PRDM16: variants seen among roughly 807,000 people sequenced by gnomAD.
PRDM16 encodes the protein PR/SET domain 16, also known as histone-lysine N-methyltransferase PRDM16.
In PRDM16, 23 loss-of-function variants were observed where a neutral mutation model predicts 110.6. The ratio of observed to expected loss-of-function variants is 0.21; its 90% CI spans 0.15 to 0.29. PRDM16 has a LOEUF of 0.29. Among genes scored for constraint, PRDM16 ranks in the 10% least tolerant of loss-of-function variants. The pLI is 1.00. For missense variants in PRDM16, 1,615 were observed against 1,794.3 expected (o/e 0.90, Z 1.81); for synonymous variants, 799 against 781.8 (o/e 1.02, Z -0.37).
At position 3,353,260 on chromosome 1, in the gene PRDM16, G is replaced by A. The variant is rs1354719160; in HGVS notation, c.439-31892G>A. Among the ~76,000 whole-genome samples, 2 of 152,222 alleles carry A rather than the reference G, an allele frequency of 1.3e-5. No homozygotes were observed. The highest frequency in any genetic ancestry group is 4.8e-5 in the African/African-American group (2 of 41,468). On this transcript the variant is annotated intron_variant, in intron 3 of 16. Transcript: ENST00000270722. This position sits in a 1 kb window ranked among gnomAD's most constrained non-coding sequence, Gnocchi z 5.4. ...GGTGCGGTAAAAGTTTACGAGGGCT[G>A]GGCAGCTCCTAGGCATGGGCAGGCC...
At chr1:3,325,922 C>A (rs924977733) in intron 3 of PRDM16, among the ~76,000 whole-genome samples, 1 of 102,886 alleles carries the variant, frequency 9.7e-6, no homozygotes, top group African/African-American at 4.1e-5. Flanking sequence ...CCTTGGCCCT[C>A]CTCGGCCCTC....
At chr1:3,223,677 A>G (rs930219743) in intron 2 of PRDM16, among the ~76,000 whole-genome samples, 1 of 152,156 alleles carries the variant, frequency 6.6e-6, no homozygotes, top group African/African-American at 2.4e-5. Context: ...CTGCATACTC[A>G]TGTCAGCCCT....
chr1:3,109,884 CCAGACA>C lies in PRDM16; in HGVS notation c.37+40601_37+40606del, dbSNP rs563935774. On this transcript the variant is annotated intron_variant, in intron 1 of 16. Coordinates refer to ENST00000270722, the MANE Select transcript of PRDM16 (RefSeq NM_022114.4). ...TGGGCTCAGCTGGCATCACCTCTTT[CCAGACA>C]CAGACACAGACAGCAGCTCCTCCAT... 3.3e-5 allele frequency among the ~76,000 whole-genome samples: 5 copies of C among 152,372 alleles called. No homozygotes were observed. The South Asian group carries it at 8.3e-4, about 25-fold the overall frequency.
Position 3,069,378 on chromosome 1 carries a change from G to A in PRDM16, c.37+82G>A. On this transcript the variant is annotated intron_variant, in intron 1 of 16. Transcript: ENST00000270722. This position sits in a 1 kb window ranked among gnomAD's most constrained non-coding sequence, Gnocchi z 6.1. ...GGCGCCCGGGCCAGGGGTGCGCGTCGGGGCGCGGCCGGCGCGCCTGCGGCT... is the reference window on the plus strand; with the variant it reads ...GGCGCCCGGGCCAGGGGTGCGCGTCAGGGCGCGGCCGGCGCGCCTGCGGCT... The A allele has an allele frequency of 2.0e-6, 1 of 504,666 alleles. No homozygotes were observed. Among genetic ancestry groups the A allele is most frequent in the Non-Finnish European group, 2.5e-6 (1 of 395,518 alleles). The allele number at this position is 504,666 out of a possible 1,614,324, so 31.3% of individuals were successfully genotyped here. A position where few individuals can be genotyped will look rare whatever the true frequency, so the allele number is the denominator to read the frequency against.
In PRDM16 at chr1:3,255,383, C is replaced by A. The variant is rs1395067926; in HGVS notation, c.438+11246C>A. Among the ~76,000 whole-genome samples, 1 of 152,160 alleles carries A rather than the reference C, an allele frequency of 6.6e-6. No homozygotes were observed. On this transcript the variant is annotated intron_variant, in intron 3 of 16. Transcript: ENST00000270722. The surrounding 1 kb of genome is among the most constrained non-coding windows in gnomAD (Gnocchi z 4.7). Reference sequence around the variant, plus strand: ...GAGGGTCGCGTGCAGCACACAGCCTCCCAGACGGCTCTCACCACAAAGCCA... The same window carrying A: ...GAGGGTCGCGTGCAGCACACAGCCTACCAGACGGCTCTCACCACAAAGCCA...
chr1:3,102,640 GC>G (rs1642559753), intron 1 of PRDM16, among the ~76,000 whole-genome samples: 1 of 152,224 alleles, frequency 6.6e-6, no homozygotes, highest in Admixed American at 6.5e-5. Flanking sequence ...GCTTTAATAT[GC>G]TTTTATGGCC....
At chr1:3,309,830 C>T (rs935493759) in intron 3 of PRDM16, 1 of 152,374 alleles carries the variant, frequency 6.6e-6, no homozygotes, top group Non-Finnish European at 1.5e-5. Flanking sequence ...GGGTGGGGGC[C>T]AGGGAGGGGA....
chr1:3,378,064 C>T lies in PRDM16; in HGVS notation c.439-7088C>T, dbSNP rs965795458. Among the ~76,000 whole-genome samples the T allele has an allele frequency of 3.9e-5, 6 of 152,350 alleles. No individual in the cohort carries two copies. The South Asian group carries it at 1.0e-3, about 26-fold the overall frequency. On this transcript the variant is annotated intron_variant, in intron 3 of 16. Transcript: ENST00000270722. ...GCACCCAGGTTGGAAAGGCTGGGCTCGCGCCCTAGGGCAGGCGGAGACATC... is the reference window on the plus strand; with the variant it reads ...GCACCCAGGTTGGAAAGGCTGGGCTTGCGCCCTAGGGCAGGCGGAGACATC...
chr1:3,304,580 C>T (rs1055022229), intron 3 of PRDM16, among the ~76,000 whole-genome samples: 9 of 152,258 alleles, frequency 5.9e-5, no homozygotes, highest in African/African-American at 1.9e-4. Context: ...AGCCACTGGC[C>T]TCAACTGCAT....
In PRDM16 at chr1:3,359,091, G is replaced by A. The variant is rs1642666013; in HGVS notation, c.439-26061G>A. On this transcript the variant is annotated intron_variant, in intron 3 of 16. Transcript: ENST00000270722. This position sits in a 1 kb window ranked among gnomAD's most constrained non-coding sequence, Gnocchi z 4.3. ...GTCTCACTCTGTCACCCAGGCTGGA[G>A]TGCAGTGGCTCCATCACGGCACACT... Among the ~76,000 whole-genome samples the A allele has an allele frequency of 6.6e-6, 1 of 152,192 alleles. No individual in the cohort carries two copies. The highest frequency in any genetic ancestry group is 6.5e-5 in the Admixed American group (1 of 15,278).
intron 3 of PRDM16, among the ~76,000 whole-genome samples, chr1:3,249,586 G>T (rs1031800335): frequency 6.4e-4 from 97 of 151,934 alleles, no homozygotes; most frequent in Non-Finnish European, 2.9e-5. Context: ...CTAACCCTAA[G>T]AACCCTGCTA....
intron 1 of PRDM16, among the ~76,000 whole-genome samples, chr1:3,089,666 C>T (rs1025638798): frequency 6.6e-6 from 1 of 152,234 alleles, no homozygotes; most frequent in African/African-American, 2.4e-5. Context: ...CAGCCACTGC[C>T]GAGGAAGCGC....
rs1557661934 is a variant in PRDM16 at position 3,412,328 on chromosome 1, A to T, written c.2131A>T (p.Met711Leu). ...EKYFGPGFMG[M>L]QEKKLGSLPY... Reference sequence around the variant, plus strand: ...GTACTTTGGCCCCGGCTTCATGGGGATGCAGGAGAAGAAGCTGGGCTCGCT... The same window carrying T: ...GTACTTTGGCCCCGGCTTCATGGGGTTGCAGGAGAAGAAGCTGGGCTCGCT... Residue 711 changes from methionine to leucine, a missense_variant, in exon 9 of 17, where the codon ATG becomes TTG. Around this residue, in one of 5 missense-constraint regions of PRDM16, gnomAD observed 772 missense variants for 748.3 expected, o/e 1.03. Transcript: ENST00000270722. 3 of 1,613,808 alleles carry T rather than the reference A, an allele frequency of 1.9e-6. No homozygotes were observed. Among genetic ancestry groups the T allele is most frequent in the Non-Finnish European group, 2.5e-6 (3 of 1,180,030 alleles).
chr1:3,181,993 GCAGTCACATGCTTA>G (rs1208605554), intron 1 of PRDM16, among the ~76,000 whole-genome samples: 7 of 152,014 alleles, frequency 4.6e-5, no homozygotes, highest in African/African-American at 1.7e-4. Flanking sequence ...GCTTACACAT[GCAGTCACATGCTTA>G]CACACACTGT....
intron 2 of PRDM16, among the ~76,000 whole-genome samples, chr1:3,187,846 G>A (rs1644288394): frequency 6.6e-6 from 1 of 152,208 alleles, no homozygotes; most frequent in Non-Finnish European, 1.5e-5. Context: ...AGCTGTGGGG[G>A]TCCCGGTGCC....
chr1:3,247,705 T>TCTGGTGCGCTCGCC (rs1229823922), intron 3 of PRDM16, among the ~76,000 whole-genome samples: 4 of 152,224 alleles, frequency 2.6e-5, no homozygotes, highest in African/African-American at 4.8e-5. Context: ...CCGCGCTCGC[T>TCTGGTGCGCTCGCC]CTGGTGCGCT....
chr1:3,347,217 T>G (rs569922811), intron 3 of PRDM16, among the ~76,000 whole-genome samples: 23 of 152,294 alleles, frequency 1.5e-4, no homozygotes, highest in African/African-American at 5.3e-4. Context: ...TCCACAAGGT[T>G]CTGCACCAGG....
chr1:3,107,648 A>G (rs1642688745), intron 1 of PRDM16, among the ~76,000 whole-genome samples: 1 of 152,176 alleles, frequency 6.6e-6, no homozygotes, highest in South Asian at 2.1e-4. Flanking sequence ...ATCATCATGG[A>G]AGGCATCCTG....
chr1:3,390,286 A>G lies in PRDM16; in HGVS notation c.573+5000A>G, dbSNP rs114836348. 6.5e-3 allele frequency among the ~76,000 whole-genome samples: 991 copies of G among 152,188 alleles called. 17 individuals are homozygous for G. Among genetic ancestry groups the G allele is most frequent in the African/African-American group, 0.022 (934 of 41,516 alleles). On this transcript the variant is annotated intron_variant, in intron 4 of 16. Transcript: ENST00000270722. The surrounding 1 kb of genome is among the most constrained non-coding windows in gnomAD (Gnocchi z 5.0). ...TGTCAACTGTCTAGTGGGGCTGAAG[A>G]TGGCTGGGGACAGGGCTGAGGTCAA... is the stretch of plus-strand genomic sequence containing the variant.
Sources: allele counts gnomAD v4.1 joint callset (sites outside exome capture counted in the v4.1 genomes callset), GRCh38; gene constraint gnomAD v4.1.1; regional missense constraint gnomAD v4.1.1; non-coding constraint Gnocchi (gnomAD v3.1); transcripts MANE v1.5; gene names NCBI Gene and HGNC (gene_info 2026-07-23, HGNC 2026-07-21).